GRB14: variants seen among roughly 807,000 people sequenced by gnomAD.
The protein encoded by GRB14 is growth factor receptor bound protein 14.
A neutral mutation model predicts 69.1 loss-of-function variants in GRB14; 38 were observed. The ratio of observed to expected loss-of-function variants is 0.55; its 90% confidence interval spans 0.42 to 0.72. The LOEUF is 0.72. GRB14 is among the 30% of genes least tolerant of loss of function. The pLI, the probability that GRB14 is intolerant of heterozygous loss-of-function variation, is 0.00. For missense variants in GRB14, 666 were observed against 666.1 expected (o/e 1.00, Z 0.00); for synonymous variants, 247 against 241.3 (o/e 1.02, Z -0.22).
In GRB14 at chr2:164,497,044, GCCT is replaced by G; in HGVS notation, c.1343_1345del (p.Glu448del). 1 of 1,613,860 alleles carries G rather than the reference GCCT, an allele frequency of 6.2e-7. No individual in the cohort carries two copies. The highest frequency in any genetic ancestry group is 8.5e-7 in the Non-Finnish European group (1 of 1,179,848). ...TCCTTGCTGAATAATCAATCGCTGAGCCTCATCTCTAGAAATTTTGTGGTGAAA... is the reference window on the plus strand; with the variant it reads ...TCCTTGCTGAATAATCAATCGCTGAGCATCTCTAGAAATTTTGTGGTGAAA... On this transcript the variant is annotated inframe_deletion, in exon 12 of 14. Transcript: ENST00000263915.
intron 6 of GRB14, among the ~76,000 whole-genome samples, chr2:164,518,572 A>G (rs923231885): frequency 6.6e-6 from 1 of 152,152 alleles, no homozygotes; most frequent in African/African-American, 2.4e-5. Flanking sequence ...AAGATAAATG[A>G]AACAAAAGCT....
chr2:164,601,764 GA>G (rs1438180650), intron 2 of GRB14, among the ~76,000 whole-genome samples: 1 of 152,076 alleles, frequency 6.6e-6, no homozygotes, highest in Non-Finnish European at 1.5e-5. Flanking sequence ...CAGTGAAAGA[GA>G]AAATAAATCA....
chr2:164,594,088 A>G (rs1215393011), intron 2 of GRB14, among the ~76,000 whole-genome samples: 1 of 152,136 alleles, frequency 6.6e-6, no homozygotes, highest in Admixed American at 6.6e-5. Context: ...TTCAAAAACT[A>G]AAAATCTTCA....
chr2:164,561,869 G>C (rs1688837553), intron 2 of GRB14, among the ~76,000 whole-genome samples: 1 of 152,088 alleles, frequency 6.6e-6, no homozygotes, highest in African/African-American at 2.4e-5. Context: ...TGTGTGAAGG[G>C]TATACCAAAT....
intron 2 of GRB14, among the ~76,000 whole-genome samples, chr2:164,603,245 G>T (rs930309618): frequency 1.1e-4 from 12 of 109,306 alleles, no homozygotes; most frequent in Non-Finnish European, 2.4e-4. Flanking sequence ...TTTGGGAAAA[G>T]AAAAGATGAT....
chr2:164,554,217 A>G (rs1688620587), intron 2 of GRB14, among the ~76,000 whole-genome samples: 1 of 152,132 alleles, frequency 6.6e-6, no homozygotes. Context: ...TACATACTAA[A>G]AGGTAAAAAA....
At chr2:164,573,705 G>C in intron 2 of GRB14, 1 of 1,600,714 alleles carries the variant, frequency 6.2e-7, no homozygotes, top group Non-Finnish European at 8.6e-7. Flanking sequence ...AGGAGCCTCT[G>C]ACCTGCTATT....
Position 164,492,970 on chromosome 2 carries a change from A to G in GRB14, c.*66T>C. 3 of 1,435,890 alleles carry G rather than the reference A, an allele frequency of 2.1e-6. No individual in the cohort carries two copies. The highest frequency in any genetic ancestry group is 4.8e-5 in the East Asian group (2 of 42,000). 88.9% of individuals were successfully genotyped at this position (1,435,890 alleles called of 1,614,324 possible). On this transcript the variant is annotated 3_prime_UTR_variant, in exon 14 of 14. Transcript: ENST00000263915. ...CATGGTAATGTTTTCGCCCTTATTT[A>G]TGGTCTTTTATTATTTTTCTTGAGT...
At chr2:164,596,161 G>C (rs540539099) in intron 2 of GRB14, among the ~76,000 whole-genome samples, 1 of 152,210 alleles carries the variant, frequency 6.6e-6, no homozygotes, top group South Asian at 2.1e-4. Flanking sequence ...TTCTATATTT[G>C]TACTTAAACG....
intron 2 of GRB14, among the ~76,000 whole-genome samples, chr2:164,564,101 C>T (rs972323475): frequency 6.6e-6 from 1 of 152,102 alleles, no homozygotes; most frequent in Non-Finnish European, 1.5e-5. Context: ...TCTTAGAAGG[C>T]TTTAGGATGA....
rs77182995 is a variant in GRB14 at position 164,584,949 on chromosome 2, G to A, written c.324+34738C>T. Among the ~76,000 whole-genome samples the A allele has an allele frequency of 6.6e-3, 992 of 151,228 alleles. 7 individuals are homozygous for A. Among genetic ancestry groups the A allele is most frequent in the South Asian group, 0.039 (188 of 4,792 alleles). ...GGTTGTTTTATATGTTTTTGTTTTT[G>A]TGGTTTTTTTGAGATGGAGTCTCAC... On this transcript the variant is annotated intron_variant, in intron 2 of 13. Coordinates refer to ENST00000263915, the MANE Select transcript of GRB14 (RefSeq NM_004490.3).
chr2:164,595,915 G>C (rs922078490), intron 2 of GRB14, among the ~76,000 whole-genome samples: 6 of 152,136 alleles, frequency 3.9e-5, no homozygotes, highest in African/African-American at 1.4e-4. Context: ...GACAAGATCA[G>C]GAGATCGAGA....
intron 8 of GRB14, among the ~76,000 whole-genome samples, chr2:164,504,782 A>G (rs1376579707): frequency 2.0e-5 from 3 of 152,162 alleles, no homozygotes; most frequent in African/African-American, 7.2e-5. Context: ...GAAAAAGGGA[A>G]TTAAGGTTGT....
chr2:164,582,646 C>G (rs1032892960), intron 2 of GRB14, among the ~76,000 whole-genome samples: 4 of 152,062 alleles, frequency 2.6e-5, no homozygotes, highest in African/African-American at 9.7e-5. Flanking sequence ...GTCCTGAACT[C>G]CTGACTGCGT....
rs1317593987 is a variant in GRB14, at chr2:164,557,373, C to T, written c.325-9557G>A. Among the ~76,000 whole-genome samples, 5 of 152,142 alleles carry T rather than the reference C, an allele frequency of 3.3e-5. No homozygotes were observed. The East Asian group carries it at 9.6e-4, about 29-fold the overall frequency. On this transcript the variant is annotated intron_variant, in intron 2 of 13. Transcript: ENST00000263915. ...AATAGGAAATGCTTTTCAAGATACA[C>T]AAGTGATGGGTAGCTTTTTAAAAAG...
chr2:164,498,683 C>T (rs1343207640), intron 9 of GRB14, among the ~76,000 whole-genome samples: 1 of 152,172 alleles, frequency 6.6e-6, no homozygotes, highest in Non-Finnish European at 1.5e-5. Flanking sequence ...TTTTATCTCT[C>T]TTTATGTAGA....
At chr2:164,603,826 C>T (rs1689984258) in intron 2 of GRB14, among the ~76,000 whole-genome samples, 1 of 152,054 alleles carries the variant, frequency 6.6e-6, no homozygotes, top group Non-Finnish European at 1.5e-5. Flanking sequence ...AAGCAAGTCA[C>T]AATTACTGAG....
chr2:164,569,807 G>C (rs1024210188), intron 2 of GRB14, among the ~76,000 whole-genome samples: 1 of 152,060 alleles, frequency 6.6e-6, no homozygotes, highest in Non-Finnish European at 1.5e-5. Context: ...TATTTTGGAG[G>C]CATTAATTAA....
At chr2:164,604,524 T>G (rs1323575987) in intron 2 of GRB14, among the ~76,000 whole-genome samples, 3 of 151,906 alleles carry the variant, frequency 2.0e-5, no homozygotes, top group Admixed American at 6.6e-5. Flanking sequence ...AAAGAAAGGA[T>G]ACTCACCAAC....
Sources: gnomAD v4.1 joint callset for allele counts (sites outside exome capture counted in the v4.1 genomes callset) on GRCh38, gnomAD v4.1.1 for gene constraint, MANE v1.5 for transcripts, NCBI Gene and HGNC (gene_info 2026-07-23, HGNC 2026-07-21) for gene names.